The following KPNA6 variants were observed in gnomAD, a reference collection of about 807,000 sequenced individuals.
KPNA6 encodes the protein importin subunit alpha-7.
In KPNA6, 9 loss-of-function variants were observed where a neutral mutation model predicts 72.0. The observed-to-expected ratio is 0.13, with a 90% confidence interval of 0.08 to 0.22. The LOEUF is 0.22. Ranked by LOEUF, KPNA6 falls within the 10% of genes least tolerant of loss-of-function variation. KPNA6 has a pLI of 1.00. For missense variants in KPNA6, 374 were observed against 655.7 expected (o/e 0.57, Z 4.69); for synonymous variants, 219 against 242.1 (o/e 0.90, Z 0.89).
intron 7 of KPNA6, 129 bp from the exon 8 acceptor site, chr1:32,161,818 G>A (rs1265351546): frequency 4.4e-6 from 3 of 683,472 alleles, no homozygotes; most frequent in Non-Finnish European, 7.8e-6. Flanking sequence ...TATTAACTTA[G>A]GTCTGTGAGT....
intron 3 of KPNA6, 67 bp from the exon 4 acceptor site, chr1:32,157,278 CA>C (rs1448900029): frequency 1.7e-6 from 2 of 1,168,716 alleles, no homozygotes; most frequent in Non-Finnish European, 2.5e-6. Context: ...GGATGCCAAG[CA>C]GTATTATGTG....
chr1:32,140,199 A>G (rs1031856375), intron 1 of KPNA6, among the ~76,000 whole-genome samples: 2 of 152,152 alleles, frequency 1.3e-5, no homozygotes, highest in Non-Finnish European at 2.9e-5. Flanking sequence ...CCTGGCCAAC[A>G]TGGTGAAACC....
At chr1:32,139,824 A>G (rs371902069) in intron 1 of KPNA6, among the ~76,000 whole-genome samples, 22 of 152,258 alleles carry the variant, frequency 1.4e-4, no homozygotes, top group African/African-American at 5.3e-4. Context: ...AGGCAGAAGC[A>G]TAGATATGAA....
At chr1:32,155,110 CAAAAAAAAA>C (rs144040035) in intron 2 of KPNA6, among the ~76,000 whole-genome samples, 1 of 54,228 alleles carries the variant, frequency 1.8e-5, no homozygotes, top group Non-Finnish European at 3.3e-5. Flanking sequence ...AACTCCATCT[CAAAAAAAAA>C]AAAAAAAAAA....
intron 1 of KPNA6, among the ~76,000 whole-genome samples, chr1:32,141,375 CTTTTTTTTTTTTTTTTTTTTTTTTT>C (rs71006334): frequency 0.017 from 948 of 54,464 alleles, 15 homozygotes; most frequent in Non-Finnish European, 0.022. Context: ...TAAGTTAATC[CTTTTTTTTTTTTTTTTTTTTTTTTT>C]TTTTTTTTTT....
chr1:32,108,814 C>T (rs1467393502), intron 1 of KPNA6, among the ~76,000 whole-genome samples: 1 of 152,190 alleles, frequency 6.6e-6, no homozygotes, highest in African/African-American at 2.4e-5. Context: ...TCTGGGCTGG[C>T]CCTGGTAAGG....
At chr1:32,109,123 T>C (rs1641199178) in intron 1 of KPNA6, among the ~76,000 whole-genome samples, 1 of 152,206 alleles carries the variant, frequency 6.6e-6, no homozygotes, top group Non-Finnish European at 1.5e-5. Flanking sequence ...CCCAAGGTCA[T>C]GCAGTGGCTA....
At chr1:32,158,202 G>T in intron 4 of KPNA6, 65 bp from the exon 5 acceptor site, 3 of 1,005,244 alleles carry the variant, frequency 3.0e-6, no homozygotes, top group Non-Finnish European at 4.6e-6. Flanking sequence ...ATTGCAAGCT[G>T]ACCCCCATGA....
intron 1 of KPNA6, among the ~76,000 whole-genome samples, chr1:32,124,184 G>A (rs1641489542): frequency 6.6e-6 from 1 of 151,978 alleles, no homozygotes; most frequent in South Asian, 2.1e-4. Flanking sequence ...ACCGGCCTGA[G>A]CAACATGATC....
At position 32,171,119 on chromosome 1, in the gene KPNA6, C is replaced by CGT; in HGVS notation, c.*228_*229dup. 1 of 543,190 alleles carries CGT rather than the reference C, an allele frequency of 1.8e-6. No homozygotes were observed. The allele number at this position is 543,190 out of a possible 1,614,324, so 33.6% of individuals were successfully genotyped here. Reference sequence around the variant, plus strand: ...TTTGGGTTTTGTGACAAGAAGGGGACGTGTTGGGTTTTTCTTCCTTACACT... The same window carrying CGT: ...TTTGGGTTTTGTGACAAGAAGGGGACGTGTGTTGGGTTTTTCTTCCTTACACT... On this transcript the variant is annotated 3_prime_UTR_variant, in exon 14 of 14. Transcript: ENST00000373625.
intron 1 of KPNA6, among the ~76,000 whole-genome samples, chr1:32,118,070 GCAC>G (rs979169869): frequency 6.6e-6 from 1 of 152,018 alleles, no homozygotes; most frequent in Non-Finnish European, 1.5e-5. Context: ...TTACAGGCAT[GCAC>G]CACCATGCCC....
chr1:32,128,412 TATATATATATATATAC>T lies in KPNA6; in HGVS notation c.4+20280_4+20295del, dbSNP rs1212883801. Among the ~76,000 whole-genome samples, 856 of 130,964 alleles carry T rather than the reference TATATATATATATATAC, an allele frequency of 6.5e-3. 19 individuals carry two copies. Among genetic ancestry groups the T allele is most frequent in the African/African-American group, 0.024 (806 of 33,274 alleles). The allele number at this position is 130,964 out of a possible 152,430, so 85.9% of individuals were successfully genotyped here. A position where few individuals can be genotyped will look rare whatever the true frequency, so the allele number is the denominator to read the frequency against. ...TTATATATATATATATATATATATA[TATATATATATATATAC>T]ACACACACACACATATATATATACA... On this transcript the variant is annotated intron_variant, in intron 1 of 13. Coordinates refer to ENST00000373625, the MANE Select transcript of KPNA6 (RefSeq NM_012316.5).
At chr1:32,113,547 G>A (rs1489766480) in intron 1 of KPNA6, among the ~76,000 whole-genome samples, 1 of 152,132 alleles carries the variant, frequency 6.6e-6, no homozygotes, top group East Asian at 1.9e-4. Context: ...TGAATTCCCA[G>A]GCTCAAGCAA....
chr1:32,142,848 C>G, intron 1 of KPNA6: 1 of 822,986 alleles, frequency 1.2e-6, no homozygotes. Context: ...CCAATCTAAC[C>G]TCCCTTGTCT....
intron 1 of KPNA6, among the ~76,000 whole-genome samples, chr1:32,151,300 C>T (rs1432286217): frequency 1.3e-5 from 2 of 152,130 alleles, no homozygotes; most frequent in Non-Finnish European, 2.9e-5. Flanking sequence ...AGGGTCTCTA[C>T]TATGCCCTAA....
rs1046471327 is a variant in KPNA6, at chr1:32,141,691, C to G, written c.5-12897C>G. Among the ~76,000 whole-genome samples, 4 of 152,162 alleles carry G rather than the reference C, an allele frequency of 2.6e-5. No individual in the cohort carries two copies. In the East Asian group the frequency reaches 5.8e-4, roughly 22 times the overall value. On this transcript the variant is annotated intron_variant, in intron 1 of 13. Coordinates refer to ENST00000373625, the MANE Select transcript of KPNA6 (RefSeq NM_012316.5). Reference sequence around the variant, plus strand: ...GGGTTACAGACATGAGCCACCGTGCCTGGCCTATTAAGTGAATCTTAACCT... The same window carrying G: ...GGGTTACAGACATGAGCCACCGTGCGTGGCCTATTAAGTGAATCTTAACCT...
chr1:32,111,633 C>G (rs1641244380), intron 1 of KPNA6, among the ~76,000 whole-genome samples: 1 of 152,146 alleles, frequency 6.6e-6, no homozygotes, highest in Non-Finnish European at 1.5e-5. Context: ...TAGTCCAAGG[C>G]TGGTATTCTG....
Position 32,171,329 on chromosome 1 carries a change from T to G in KPNA6, c.*435T>G, listed in dbSNP as rs1642433395. 6.4e-6 allele frequency: 1 copy of G among 156,988 alleles called. No individual in the cohort carries two copies. 9.7% of individuals were successfully genotyped at this position (156,988 alleles called of 1,614,324 possible). A position where few individuals can be genotyped will look rare whatever the true frequency, so the allele number is the denominator to read the frequency against. Reference sequence around the variant, plus strand: ...TGCCCTGATCTGTGTAACTCTTATCTTGGGTACTTGAGCAGACGGTATATT... The same window carrying G: ...TGCCCTGATCTGTGTAACTCTTATCGTGGGTACTTGAGCAGACGGTATATT... On this transcript the variant is annotated 3_prime_UTR_variant, in exon 14 of 14. Transcript: ENST00000373625.
At chr1:32,166,785 A>G (rs912646665) in intron 11 of KPNA6, among the ~76,000 whole-genome samples, 11 of 150,424 alleles carry the variant, frequency 7.3e-5, no homozygotes, top group African/African-American at 2.7e-4. Flanking sequence ...AAAAAAAAGA[A>G]AAATTAGCCG....
Sources: gnomAD v4.1 joint callset for allele counts (sites outside exome capture counted in the v4.1 genomes callset) on GRCh38, gnomAD v4.1.1 for gene constraint, MANE v1.5 for transcripts, NCBI Gene and HGNC (gene_info 2026-07-23, HGNC 2026-07-21) for gene names.